The following CPQ variants were observed in gnomAD, a reference collection of about 807,000 sequenced individuals.
The protein encoded by CPQ is carboxypeptidase Q, also known as Ser-Met dipeptidase.
In CPQ, 37 loss-of-function variants were observed where a neutral mutation model predicts 45.7. The observed-to-expected ratio is 0.81, with a 90% confidence interval of 0.62 to 1.07. The LOEUF (loss-of-function observed/expected upper bound fraction) is 1.07. Ranked by LOEUF, CPQ falls within the 50% of genes least tolerant of loss-of-function variation. CPQ has a pLI of 0.00. For missense variants in CPQ, 537 were observed against 572.9 expected (o/e 0.94, Z 0.64); for synonymous variants, 186 against 205.8 (o/e 0.90, Z 0.82).
At chr8:96,664,336 G>A (rs1490267956) in intron 1 of CPQ, among the ~76,000 whole-genome samples, 1 of 152,192 alleles carries the variant, frequency 6.6e-6, no homozygotes, top group Non-Finnish European at 1.5e-5. Flanking sequence ...ACTTTAAGGT[G>A]AGGATGAAGA....
At chr8:96,999,805 A>G (rs1224268604) in intron 5 of CPQ, among the ~76,000 whole-genome samples, 1 of 152,112 alleles carries the variant, frequency 6.6e-6, no homozygotes, top group Non-Finnish European at 1.5e-5. Flanking sequence ...GTCTTTGAGT[A>G]ATTGCCATGC....
chr8:96,836,877 G>A (rs1346252366), intron 3 of CPQ, among the ~76,000 whole-genome samples: 6 of 151,870 alleles, frequency 4.0e-5, no homozygotes, highest in African/African-American at 1.5e-4. Context: ...GTCCAGCAAG[G>A]GACTTCAGAA....
chr8:96,696,091 T>C (rs1210133826), intron 1 of CPQ, among the ~76,000 whole-genome samples: 21 of 151,866 alleles, frequency 1.4e-4, no homozygotes, highest in South Asian at 6.2e-4. Flanking sequence ...CACATATACA[T>C]CATGGAATAC....
chr8:96,734,301 G>A (rs942183547), intron 1 of CPQ, among the ~76,000 whole-genome samples: 1 of 152,106 alleles, frequency 6.6e-6, no homozygotes, highest in African/African-American at 2.4e-5. Flanking sequence ...CCTCCTAGAT[G>A]GCTGCAATAG....
intron 3 of CPQ, among the ~76,000 whole-genome samples, chr8:96,846,387 C>G (rs1341273195): frequency 1.3e-5 from 2 of 152,096 alleles, no homozygotes; most frequent in Non-Finnish European, 2.9e-5. Context: ...GATCCGTAGT[C>G]AGATATATGT....
intron 4 of CPQ, among the ~76,000 whole-genome samples, chr8:96,895,910 A>G (rs1335851112): frequency 6.6e-6 from 1 of 152,186 alleles, no homozygotes; most frequent in African/African-American, 2.4e-5. Context: ...TCTCTTTGCA[A>G]AATTACAATA....
intron 7 of CPQ, among the ~76,000 whole-genome samples, chr8:97,085,289 G>A (rs1811021630): frequency 6.6e-6 from 1 of 151,862 alleles, no homozygotes; most frequent in African/African-American, 2.4e-5. Flanking sequence ...GAGGCTGAGG[G>A]AGGAGGATCA....
intron 5 of CPQ, among the ~76,000 whole-genome samples, chr8:96,993,010 G>A (rs767502930): frequency 1.1e-4 from 17 of 152,172 alleles, no homozygotes; most frequent in Admixed American, 6.6e-5. Context: ...GGCTGGCTCT[G>A]CCACCTGCAC....
chr8:96,676,681 AT>A (rs1809080670), intron 1 of CPQ, among the ~76,000 whole-genome samples: 1 of 151,968 alleles, frequency 6.6e-6, no homozygotes, highest in Admixed American at 6.6e-5. Flanking sequence ...TTTAAAAGTA[AT>A]TTTTATTTCA....
rs186149062 is a variant in CPQ at position 96,890,398 on chromosome 8, C to A, written c.849+10393C>A. ...TATTCCCTTTGCCTTCAGCAAGCAC[C>A]TCAGTGGGTCGTAGTTTTTTACTTG... On this transcript the variant is annotated intron_variant, in intron 4 of 7. Coordinates refer to ENST00000220763, the MANE Select transcript of CPQ (RefSeq NM_016134.4). Among the ~76,000 whole-genome samples, 432 of 152,270 alleles carry A rather than the reference C, an allele frequency of 2.8e-3. 4 individuals are homozygous for A. The highest frequency in any genetic ancestry group is 4.7e-3 in the Non-Finnish European group (322 of 68,016).
intron 7 of CPQ, among the ~76,000 whole-genome samples, chr8:97,123,002 T>A (rs1443619707): frequency 0.031 from 462 of 15,144 alleles, 36 homozygotes; most frequent in Non-Finnish European, 0.038. Flanking sequence ...TAAAATAAAA[T>A]ATAAAATAAA....
At position 97,143,266 on chromosome 8, in the gene CPQ, A is replaced by G. The variant is rs1262005556; in HGVS notation, c.*83A>G. The G allele has an allele frequency of 8.0e-7, 1 of 1,248,878 alleles. No homozygotes were observed. The highest frequency in any genetic ancestry group is 1.1e-6 in the Non-Finnish European group (1 of 881,702). 77.4% of individuals were successfully genotyped at this position (1,248,878 alleles called of 1,614,324 possible). On this transcript the variant is annotated 3_prime_UTR_variant, in exon 8 of 8. Transcript: ENST00000220763. The stretch of plus-strand genomic sequence containing the variant: ...TTGGAAAACTCCTCTTCACATAACA[A>G]TTTCATCCAATTCATCTTCAAAGCA...
intron 1 of CPQ, among the ~76,000 whole-genome samples, chr8:96,689,628 A>G (rs1435957916): frequency 6.6e-6 from 1 of 152,178 alleles, no homozygotes; most frequent in Non-Finnish European, 1.5e-5. Context: ...CAACAGTTCG[A>G]TTGGATATAA....
Position 97,122,966 on chromosome 8 carries a change from TAAA to T in CPQ, c.1256-20052_1256-20050del, listed in dbSNP as rs1208230999. 6.8e-4 allele frequency among the ~76,000 whole-genome samples: 39 copies of T among 57,390 alleles called. 3 individuals carry two copies. Among genetic ancestry groups the T allele is most frequent in the African/African-American group, 2.0e-3 (18 of 8,874 alleles). The allele number at this position is 57,390 out of a possible 152,430, so 37.7% of individuals were successfully genotyped here. On this transcript the variant is annotated intron_variant, in intron 7 of 7. Transcript: ENST00000220763. The stretch of plus-strand genomic sequence containing the variant: ...TAAAATAAAATAAAATAAAATAAAA[TAAA>T]ATAAAATAAAATTAAAATAAAATAA...
chr8:97,130,440 T>C (rs1448492338), intron 7 of CPQ, among the ~76,000 whole-genome samples: 1 of 125,648 alleles, frequency 8.0e-6, no homozygotes, highest in Non-Finnish European at 1.8e-5. Context: ...TTTTTTTTTT[T>C]TTCCACAAAA....
At chr8:96,925,927 A>G (rs762881480) in intron 4 of CPQ, among the ~76,000 whole-genome samples, 1 of 151,376 alleles carries the variant, frequency 6.6e-6, no homozygotes, top group Non-Finnish European at 1.5e-5. Flanking sequence ...TGACCTCGTG[A>G]TCTGCCCGCC....
intron 6 of CPQ, among the ~76,000 whole-genome samples, chr8:97,045,170 C>A (rs1029433025): frequency 6.6e-6 from 1 of 152,204 alleles, no homozygotes; most frequent in Non-Finnish European, 1.5e-5. Context: ...GCTTTTTTTA[C>A]CTAAGCAAGC....
At position 96,768,348 on chromosome 8, in the gene CPQ, C is replaced by T. The variant is rs531329887; in HGVS notation, c.-34-16516C>T. On this transcript the variant is annotated intron_variant, in intron 1 of 7. Coordinates refer to ENST00000220763, the MANE Select transcript of CPQ (RefSeq NM_016134.4). ...GACCATTGGGACAGAAAGGAATTGG[C>T]GCATTAATTTCCCCTTGACGCCACG... 8.6e-5 allele frequency among the ~76,000 whole-genome samples: 13 copies of T among 150,858 alleles called. No homozygotes were observed. The East Asian group carries it at 1.9e-3, about 23-fold the overall frequency.
intron 7 of CPQ, among the ~76,000 whole-genome samples, chr8:97,067,826 T>A (rs1810665281): frequency 6.6e-6 from 1 of 152,224 alleles, no homozygotes; most frequent in Non-Finnish European, 1.5e-5. Flanking sequence ...TCTACATATG[T>A]GTCATTGATA....
Sources: gnomAD v4.1 joint callset for allele counts (sites outside exome capture counted in the v4.1 genomes callset) on GRCh38, gnomAD v4.1.1 for gene constraint, MANE v1.5 for transcripts, NCBI Gene and HGNC (gene_info 2026-07-23, HGNC 2026-07-21) for gene names.